The following DPP6 variants were observed in gnomAD, a reference collection of about 807,000 sequenced individuals.
DPP6 encodes A-type potassium channel modulatory protein DPP6.
Under a neutral mutation model 122.6 loss-of-function variants are expected in DPP6, and 69 were observed. The observed-to-expected ratio is 0.56, with a 90% CI of 0.46 to 0.69. DPP6 has a LOEUF of 0.69. Among genes scored for constraint, DPP6 ranks in the 30% least tolerant of loss-of-function variants. The pLI is 0.00. For synonymous variants in DPP6, 418 were observed against 433.1 expected, an observed-to-expected ratio of 0.97 and a Z score of 0.43; for missense variants, 928 against 1,116.9, an observed-to-expected ratio of 0.83 and a Z score of 2.41.
intron 1 of DPP6, among the ~76,000 whole-genome samples, chr7:154,330,229 T>C (rs1297516577): frequency 6.6e-6 from 1 of 152,186 alleles, no homozygotes; most frequent in African/African-American, 2.4e-5. Flanking sequence ...GACTGAGAGA[T>C]GCAATTCTTA....
At chr7:154,746,516 G>A (rs1843043804) in intron 8 of DPP6, among the ~76,000 whole-genome samples, 1 of 152,166 alleles carries the variant, frequency 6.6e-6, no homozygotes. Flanking sequence ...AGAAGTACCA[G>A]CAAATGCTTC....
chr7:154,190,026 A>C (rs1435149552), intron 1 of DPP6, among the ~76,000 whole-genome samples: 3 of 152,174 alleles, frequency 2.0e-5, no homozygotes, highest in Non-Finnish European at 4.4e-5. Context: ...TTGGCTCTTT[A>C]TTCATGAACA....
intron 1 of DPP6, among the ~76,000 whole-genome samples, chr7:154,176,833 T>C (rs980701822): frequency 6.6e-6 from 1 of 152,134 alleles, no homozygotes; most frequent in Admixed American, 6.6e-5. Context: ...GAAATCATTT[T>C]TTTTTCTTTT....
intron 15 of DPP6, among the ~76,000 whole-genome samples, chr7:154,806,377 T>C (rs866975318): frequency 1.5e-4 from 23 of 152,228 alleles, no homozygotes; most frequent in African/African-American, 5.3e-4. Flanking sequence ...CCTTCTTGAC[T>C]TGAAATGACA....
At chr7:154,479,162 A>G (rs1823008744) in intron 3 of DPP6, among the ~76,000 whole-genome samples, 1 of 152,220 alleles carries the variant, frequency 6.6e-6, no homozygotes, top group Non-Finnish European at 1.5e-5. Flanking sequence ...TGATTGGTAC[A>G]ACAGCCTCAC....
At chr7:154,110,459 G>A (rs549234186) in intron 1 of DPP6, among the ~76,000 whole-genome samples, 1 of 152,190 alleles carries the variant, frequency 6.6e-6, no homozygotes, top group South Asian at 2.1e-4. Context: ...CTTACCTCGC[G>A]GTGAATATAC....
chr7:154,237,881 T>C (rs1801321463), intron 1 of DPP6, among the ~76,000 whole-genome samples: 1 of 152,132 alleles, frequency 6.6e-6, no homozygotes, highest in Non-Finnish European at 1.5e-5. Flanking sequence ...CCTGGGAGCG[T>C]GTAAGTCCAT....
chr7:154,116,459 G>A (rs1806992945), intron 1 of DPP6, among the ~76,000 whole-genome samples: 1 of 152,160 alleles, frequency 6.6e-6, no homozygotes, highest in South Asian at 2.1e-4. Context: ...TTGATTTGCA[G>A]CAGTTCATTT....
In DPP6 at chr7:154,863,626, GAA is replaced by G. The variant is rs1803605505; in HGVS notation, c.1715-4367_1715-4366del. On this transcript the variant is annotated intron_variant, in intron 17 of 25. Coordinates refer to ENST00000377770, the MANE Select transcript of DPP6 (RefSeq NM_130797.4). This position sits in a 1 kb window ranked among gnomAD's most constrained non-coding sequence, Gnocchi z 4.1. ...GTCCAGGAGTTTGAGACTAGCCTGG[GAA>G]ACACAATGAGACCCTACCTCTGCAA... Among the ~76,000 whole-genome samples, 1 of 152,038 alleles carries G rather than the reference GAA, an allele frequency of 6.6e-6. No individual in the cohort carries two copies. The highest frequency in any genetic ancestry group is 1.5e-5 in the Non-Finnish European group (1 of 68,012).
rs540692577 is a variant in DPP6, at chr7:154,686,580, G to T, written c.762+17139G>T. The stretch of plus-strand genomic sequence containing the variant: ...AAATCTTTGCAGGTTCCATAAATGA[G>T]CTGTCAGAGCCCCAGGGCAGACACT... On this transcript the variant is annotated intron_variant, in intron 7 of 25. Transcript: ENST00000377770. 7.2e-5 allele frequency among the ~76,000 whole-genome samples: 11 copies of T among 152,216 alleles called. No individual in the cohort carries two copies. The East Asian group carries it at 2.1e-3, about 29-fold the overall frequency.
chr7:154,001,652 C>T (rs1398094262), intron 1 of DPP6, among the ~76,000 whole-genome samples: 2 of 152,034 alleles, frequency 1.3e-5, no homozygotes, highest in African/African-American at 4.8e-5. Flanking sequence ...AGGTAACCTC[C>T]AAGGCCTTTA....
intron 7 of DPP6, among the ~76,000 whole-genome samples, chr7:154,675,203 G>T (rs1838810970): frequency 6.6e-6 from 1 of 152,124 alleles, no homozygotes; most frequent in African/African-American, 2.4e-5. Flanking sequence ...ACCGGGGCCT[G>T]TCCGGGGGCG....
chr7:154,368,295 T>C (rs1168423275), intron 1 of DPP6, among the ~76,000 whole-genome samples: 1 of 152,210 alleles, frequency 6.6e-6, no homozygotes, highest in Non-Finnish European at 1.5e-5. Context: ...ATTGGGGTGC[T>C]AGACCAGTGG....
the DPP6 span, among the ~76,000 whole-genome samples, chr7:153,801,756 A>G: frequency 6.6e-6 from 1 of 152,204 alleles, no homozygotes; most frequent in South Asian, 2.1e-4. Flanking sequence ...TCCCCAAGAA[A>G]GTACATAAAC....
At chr7:154,574,640 G>T (rs1403641249) in intron 5 of DPP6, among the ~76,000 whole-genome samples, 14 of 136,286 alleles carry the variant, frequency 1.0e-4, no homozygotes, top group Non-Finnish European at 2.1e-4. Context: ...TGTGTGTGTG[G>T]TGTGTGTGGT....
At chr7:154,058,042 C>T (rs570808487) in intron 1 of DPP6, 1 of 147,266 alleles carries the variant, frequency 6.8e-6, no homozygotes, top group East Asian at 2.1e-4. Context: ...GAGATCCATC[C>T]CCTCTTCCCC....
intron 1 of DPP6, among the ~76,000 whole-genome samples, chr7:154,324,867 A>ATTT (rs143944650): frequency 0.016 from 1,826 of 113,008 alleles, 117 homozygotes; most frequent in Admixed American, 0.051. Context: ...TCCTTTTGTT[A>ATTT]TTTTTTTTTT....
chr7:154,885,558 T>C (rs1316368400), intron 21 of DPP6, 75 bp from the exon 22 acceptor site: 39 of 1,523,614 alleles, frequency 2.6e-5, no homozygotes, highest in Non-Finnish European at 3.3e-5. Context: ...TCTGGGGCTG[T>C]CTCCCTGCCC....
intron 1 of DPP6, among the ~76,000 whole-genome samples, chr7:153,934,652 G>A (rs933927640): frequency 5.3e-5 from 8 of 152,088 alleles, no homozygotes; most frequent in East Asian, 3.9e-4. Context: ...ACACACTCAC[G>A]TACATACAAA....
Sources: gnomAD v4.1 joint callset for allele counts (sites outside exome capture counted in the v4.1 genomes callset) on GRCh38, gnomAD v4.1.1 for gene constraint, Gnocchi (gnomAD v3.1) non-coding constraint, MANE v1.5 for transcripts, NCBI Gene and HGNC (gene_info 2026-07-23, HGNC 2026-07-21) for gene names.